The following EIPR1 variants were observed in gnomAD, a reference collection of about 807,000 sequenced individuals.
EIPR1 encodes the protein EARP complex and GARP complex interacting protein 1.
EIPR1 carries 25 observed loss-of-function variants against 48.1 expected under a neutral mutation model. The ratio of observed to expected loss-of-function variants is 0.52; its 90% confidence interval spans 0.38 to 0.73. The LOEUF (loss-of-function observed/expected upper bound fraction) is 0.73, where lower values mean the gene tolerates loss of function less well. Ranked by LOEUF, EIPR1 falls within the 30% of genes least tolerant of loss-of-function variation. The pLI is 0.00. For missense variants in EIPR1, 415 were observed against 506.2 expected (o/e 0.82, Z 1.73); for synonymous variants, 204 against 201.9 (o/e 1.01, Z -0.09).
intron 3 of EIPR1, among the ~76,000 whole-genome samples, chr2:3,315,062 G>A (rs962406557): frequency 2.5e-5 from 1 of 39,910 alleles, no homozygotes; most frequent in Non-Finnish European, 4.9e-5. Context: ...CCCAACACCT[G>A]TACCCCACCA....
chr2:3,255,462 TG>T (rs1008689635), intron 4 of EIPR1, among the ~76,000 whole-genome samples: 4 of 152,202 alleles, frequency 2.6e-5, no homozygotes, highest in Admixed American at 6.5e-5. Flanking sequence ...GGATTACAGG[TG>T]TGAGCCACTG....
intron 3 of EIPR1, among the ~76,000 whole-genome samples, chr2:3,294,937 A>C (rs1178674498): frequency 1.9e-5 from 1 of 53,254 alleles, no homozygotes; most frequent in Non-Finnish European, 3.5e-5. Flanking sequence ...CATCCAGCCC[A>C]TCCTCTCTAC....
At chr2:3,318,872 TGAA>T (rs1669401621) in intron 3 of EIPR1, 1 of 471,138 alleles carries the variant, frequency 2.1e-6, no homozygotes. Context: ...ACCTGTCCCC[TGAA>T]GAAGACCTGG....
intron 1 of EIPR1, among the ~76,000 whole-genome samples, chr2:3,358,167 T>C (rs1489129303): frequency 6.6e-6 from 1 of 152,202 alleles, no homozygotes; most frequent in Non-Finnish European, 1.5e-5. Flanking sequence ...TACGTGTTCT[T>C]TCTGGTGTTT....
rs769041044 is a variant in EIPR1, at chr2:3,257,385, G to A, written c.330C>T (p.His110=). 70 of 1,614,036 alleles carry A rather than the reference G, an allele frequency of 4.3e-5. 2 individuals carry two copies. In the South Asian group the frequency reaches 4.6e-4, roughly 11 times the overall value. The change falls in exon 4 of 9, where the codon CAC becomes CAT. Residue 110 remains histidine (H), a synonymous_variant. Coordinates refer to ENST00000382125, the MANE Select transcript of EIPR1 (RefSeq NM_003310.5). ...TGCTGGATGAATCATCAGGGGACTC[G>A]TGGCTGCCTGATTCCAATTCCTTCG... ...RMPKELESGS[H]ESPDDSSSTA...
At chr2:3,276,758 T>C (rs929788831) in intron 3 of EIPR1, among the ~76,000 whole-genome samples, 20 of 152,390 alleles carry the variant, frequency 1.3e-4, no homozygotes, top group African/African-American at 4.8e-4. Context: ...GGATGGCGTT[T>C]TCAGTGGATG....
At chr2:3,269,321 G>A (rs544541264) in intron 3 of EIPR1, among the ~76,000 whole-genome samples, 6 of 95,110 alleles carry the variant, frequency 6.3e-5, no homozygotes, top group Admixed American at 3.8e-4. Flanking sequence ...CTCAGTCATC[G>A]CACTCAATCA....
Position 3,288,179 on chromosome 2 carries a change from CT to C in EIPR1, c.260-30725del, listed in dbSNP as rs565499716. Among the ~76,000 whole-genome samples, 260 of 152,348 alleles carry C rather than the reference CT, an allele frequency of 1.7e-3. 2 individuals are homozygous for C. Among genetic ancestry groups the C allele is most frequent in the African/African-American group, 5.7e-3 (236 of 41,598 alleles). On this transcript the variant is annotated intron_variant, in intron 3 of 8. Coordinates refer to ENST00000382125, the MANE Select transcript of EIPR1 (RefSeq NM_003310.5). ...CCGCCACCTGGGGCCTTGGCACATG[CT>C]TGTCCTGCCACCCTTCAGATGCTGC... is the stretch of plus-strand genomic sequence containing the variant.
chr2:3,257,848 C>T (rs1249223837), intron 3 of EIPR1, among the ~76,000 whole-genome samples: 2 of 152,214 alleles, frequency 1.3e-5, no homozygotes, highest in African/African-American at 4.8e-5. Context: ...CGGGTTTTCT[C>T]TCCATAGCTG....
intron 3 of EIPR1, among the ~76,000 whole-genome samples, chr2:3,270,107 T>A (rs753776438): frequency 2.0e-5 from 3 of 152,170 alleles, no homozygotes; most frequent in Non-Finnish European, 4.4e-5. Flanking sequence ...GAGATATGGA[T>A]CTTTATTGAT....
intron 4 of EIPR1, among the ~76,000 whole-genome samples, chr2:3,218,279 C>G (rs1187106114): frequency 6.6e-6 from 1 of 150,622 alleles, no homozygotes; most frequent in Non-Finnish European, 1.5e-5. Context: ...CAGGTGCACA[C>G]CCAACACGGC....
intron 2 of EIPR1, chr2:3,353,365 C>T: frequency 2.1e-6 from 1 of 465,398 alleles, no homozygotes; most frequent in Non-Finnish European, 4.5e-6. Flanking sequence ...TTTTACACCA[C>T]GTTGATCATA....
At chr2:3,196,600 C>T (rs1237169574) in intron 6 of EIPR1, among the ~76,000 whole-genome samples, 1 of 152,178 alleles carries the variant, frequency 6.6e-6, no homozygotes, top group Non-Finnish European at 1.5e-5. Context: ...GTTACAAAAG[C>T]CCCAATTCCT....
intron 4 of EIPR1, among the ~76,000 whole-genome samples, chr2:3,239,800 CCTAA>C (rs1666536296): frequency 1.3e-5 from 2 of 152,376 alleles, no homozygotes; most frequent in East Asian, 3.9e-4. Flanking sequence ...CTAGGCTTCT[CCTAA>C]CTCTTATTTT....
intron 4 of EIPR1, among the ~76,000 whole-genome samples, chr2:3,216,056 G>A (rs1287242505): frequency 6.6e-6 from 1 of 152,198 alleles, no homozygotes; most frequent in Non-Finnish European, 1.5e-5. Flanking sequence ...TAATGGTGAA[G>A]ATACTTGTTT....
At chr2:3,271,029 A>C (rs181909097) in intron 3 of EIPR1, among the ~76,000 whole-genome samples, 1 of 152,346 alleles carries the variant, frequency 6.6e-6, no homozygotes, top group Non-Finnish European at 1.5e-5. Flanking sequence ...CAGTGTTCAC[A>C]GCATCTTCAC....
intron 2 of EIPR1, among the ~76,000 whole-genome samples, chr2:3,338,856 ACCAATAC>A (rs1670147589): frequency 6.6e-6 from 1 of 152,254 alleles, no homozygotes. Context: ...TTAATTTCTT[ACCAATAC>A]CCAAGTCAAT....
chr2:3,196,242 G>A (rs556788675), intron 6 of EIPR1, among the ~76,000 whole-genome samples: 15 of 152,290 alleles, frequency 9.8e-5, no homozygotes, highest in Non-Finnish European at 1.9e-4. Context: ...CATGACATCC[G>A]TCTTTTCAGC....
chr2:3,223,971 G>A (rs963683554), intron 4 of EIPR1, among the ~76,000 whole-genome samples: 1 of 152,198 alleles, frequency 6.6e-6, no homozygotes, highest in Non-Finnish European at 1.5e-5. Flanking sequence ...AAACGCTTCA[G>A]AGTAGTTACA....
Sources: allele counts gnomAD v4.1 joint callset (sites outside exome capture counted in the v4.1 genomes callset), GRCh38; gene constraint gnomAD v4.1.1; transcripts MANE v1.5; gene names NCBI Gene and HGNC (gene_info 2026-07-23, HGNC 2026-07-21).